Variants in STIMATE observed in about 807,000 individuals in gnomAD.
The protein encoded by STIMATE is STIM activating enhancer.
Under a neutral mutation model 36.7 loss-of-function variants are expected in STIMATE, and 15 were observed. The observed-to-expected ratio is 0.41, with a 90% CI of 0.27 to 0.63. STIMATE has a LOEUF of 0.63. Among genes scored for constraint, STIMATE ranks in the 20% least tolerant of loss-of-function variants. The pLI, the probability that STIMATE is intolerant of heterozygous loss-of-function variation, is 0.32. For missense variants in STIMATE, 305 were observed against 397.3 expected (o/e 0.77, Z 1.98); for synonymous variants, 163 against 162.3 (o/e 1.00, Z -0.03).
chr3:52,854,794 G>A (rs954442034), intron 2 of STIMATE, among the ~76,000 whole-genome samples: 8 of 152,194 alleles, frequency 5.3e-5, no homozygotes, highest in African/African-American at 1.4e-4. Flanking sequence ...CCCTTAACCT[G>A]TGGATTCTGT....
chr3:52,859,934 C>G (rs1405253658), intron 1 of STIMATE, among the ~76,000 whole-genome samples: 1 of 151,828 alleles, frequency 6.6e-6, no homozygotes. Flanking sequence ...ATAGGAGCAC[C>G]TTTGATCAAG....
chr3:52,847,157 C>T lies in STIMATE; in HGVS notation c.428-2216G>A, dbSNP rs965941533. On this transcript the variant is annotated intron_variant, in intron 4 of 7. Coordinates refer to ENST00000355083, the MANE Select transcript of STIMATE (RefSeq NM_198563.5). ...GCTCCTGGGCTCAAGCGATCCTCCCCGCTTAAGCCTCCCAAAGTGCTGGGA... is the reference window on the plus strand; with the variant it reads ...GCTCCTGGGCTCAAGCGATCCTCCCTGCTTAAGCCTCCCAAAGTGCTGGGA... The T allele has an allele frequency of 1.9e-5, 18 of 924,894 alleles. No homozygotes were observed. In the East Asian group the frequency reaches 3.3e-4, roughly 17 times the overall value. 57.3% of individuals were successfully genotyped at this position (924,894 alleles called of 1,614,324 possible).
chr3:52,889,032 G>A (rs1701738457), intron 1 of STIMATE, among the ~76,000 whole-genome samples: 1 of 152,072 alleles, frequency 6.6e-6, no homozygotes, highest in Admixed American at 6.6e-5. Context: ...CCCCAAAATG[G>A]CTTGAGTGGA....
chr3:52,847,624 C>T (rs1700929937), intron 4 of STIMATE: 1 of 1,127,678 alleles, frequency 8.9e-7, no homozygotes, highest in East Asian at 5.8e-5. Context: ...GCTGTGGTAC[C>T]TCTTCCTCAA....
chr3:52,895,081 A>G (rs1701844389), intron 1 of STIMATE, among the ~76,000 whole-genome samples: 1 of 152,230 alleles, frequency 6.6e-6, no homozygotes, highest in African/African-American at 2.4e-5. Flanking sequence ...ACGGAGGACT[A>G]ATAGCCCAGG....
At chr3:52,861,556 G>A (rs1252901258) in intron 1 of STIMATE, among the ~76,000 whole-genome samples, 1 of 152,186 alleles carries the variant, frequency 6.6e-6, no homozygotes, top group Non-Finnish European at 1.5e-5. Flanking sequence ...AGAGGAAGGT[G>A]GGGGGCTGCT....
At chr3:52,876,912 T>C (rs974913896) in intron 1 of STIMATE, among the ~76,000 whole-genome samples, 2 of 152,200 alleles carry the variant, frequency 1.3e-5, no homozygotes, top group African/African-American at 4.8e-5. Context: ...AAGGATCAAC[T>C]GTGGGTGGAA....
At position 52,852,588 on chromosome 3, in the gene STIMATE, A is replaced by G. The variant is rs368772197; in HGVS notation, c.305+15T>C. 1.2e-6 allele frequency: 2 copies of G among 1,612,414 alleles called. No individual in the cohort carries two copies. Among genetic ancestry groups the G allele is most frequent in the Non-Finnish European group, 1.7e-6 (2 of 1,179,478 alleles). On this transcript the variant is annotated intron_variant, in intron 3 of 7. Transcript: ENST00000355083. ...AGGGGCAGCTGATGTTTGCACTCAA[A>G]TAGGGAACACTTACAGTGAACAAGG...
intron 1 of STIMATE, among the ~76,000 whole-genome samples, chr3:52,865,432 T>C (rs924729484): frequency 3.3e-5 from 5 of 152,042 alleles, no homozygotes; most frequent in South Asian, 2.2e-4. Flanking sequence ...CATCCAAGAC[T>C]GGGAAGAAAA....
chr3:52,842,277 T>C (rs1367812420), intron 7 of STIMATE, among the ~76,000 whole-genome samples: 3 of 152,214 alleles, frequency 2.0e-5, no homozygotes, highest in Non-Finnish European at 4.4e-5. Flanking sequence ...GCCTCAGGGC[T>C]GCTATTCATG....
chr3:52,848,246 A>G (rs1700940737), intron 4 of STIMATE: 1 of 152,290 alleles, frequency 6.6e-6, no homozygotes, highest in Non-Finnish European at 1.5e-5. Flanking sequence ...CTTTATTTGG[A>G]GACATTCTGG....
intron 1 of STIMATE, among the ~76,000 whole-genome samples, chr3:52,879,081 AG>A (rs1701559978): frequency 6.6e-6 from 1 of 152,238 alleles, no homozygotes; most frequent in Admixed American, 6.5e-5. Flanking sequence ...GAACAATTAA[AG>A]GAAGACCAGT....
intron 1 of STIMATE, among the ~76,000 whole-genome samples, chr3:52,884,762 C>A (rs1701665480): frequency 6.6e-6 from 1 of 152,214 alleles, no homozygotes; most frequent in African/African-American, 2.4e-5. Context: ...CTTTTAGCTG[C>A]TGACATTTAT....
At chr3:52,878,844 G>A (rs868186031) in intron 1 of STIMATE, among the ~76,000 whole-genome samples, 2 of 152,170 alleles carry the variant, frequency 1.3e-5, no homozygotes, top group African/African-American at 2.4e-5. Flanking sequence ...GATAAGAGCC[G>A]ATAGGACACT....
intron 1 of STIMATE, among the ~76,000 whole-genome samples, chr3:52,873,691 G>C (rs2106706614): frequency 6.6e-6 from 1 of 152,308 alleles, no homozygotes; most frequent in East Asian, 1.9e-4. Flanking sequence ...TGACCTAAGA[G>C]CCAAGAGGCG....
chr3:52,874,170 G>A (rs901715000), intron 1 of STIMATE, among the ~76,000 whole-genome samples: 5 of 152,196 alleles, frequency 3.3e-5, no homozygotes, highest in African/African-American at 1.2e-4. Context: ...AATGTCCATC[G>A]ATAGGGAAGG....
At chr3:52,884,575 C>T (rs1392857499) in intron 1 of STIMATE, among the ~76,000 whole-genome samples, 1 of 152,196 alleles carries the variant, frequency 6.6e-6, no homozygotes, top group Non-Finnish European at 1.5e-5. Flanking sequence ...AGTCCCATTC[C>T]TACTACCTCA....
intron 1 of STIMATE, among the ~76,000 whole-genome samples, chr3:52,880,307 T>C (rs1476546076): frequency 1.3e-5 from 2 of 152,212 alleles, no homozygotes; most frequent in African/African-American, 4.8e-5. Context: ...CCTGATGCTA[T>C]ACAAGAGGGA....
Position 52,897,544 on chromosome 3 carries a change from A to G in STIMATE, c.-94T>C. The stretch of plus-strand genomic sequence containing the variant: ...CGCCAAACCCGCAGCCGGGATCCCA[A>G]GCCTGAGCCGGTACCTCCGCCCGGC... On this transcript the variant is annotated 5_prime_UTR_variant, in exon 1 of 8. Transcript: ENST00000355083. 2.6e-6 allele frequency: 3 copies of G among 1,172,860 alleles called. No individual in the cohort carries two copies. The highest frequency in any genetic ancestry group is 3.5e-4 in the Middle Eastern group (1 of 2,876). The allele number at this position is 1,172,860 out of a possible 1,614,324, so 72.7% of individuals were successfully genotyped here.
Sources: gnomAD v4.1 joint callset for allele counts (sites outside exome capture counted in the v4.1 genomes callset) on GRCh38, gnomAD v4.1.1 for gene constraint, MANE v1.5 for transcripts, NCBI Gene and HGNC (gene_info 2026-07-23, HGNC 2026-07-21) for gene names.